The following RSPO1 variants were observed in gnomAD, a reference collection of about 807,000 sequenced individuals.
RSPO1 encodes R-spondin 1, also known as R-spondin-1.
RSPO1 carries 18 observed loss-of-function variants against 26.0 expected under a neutral mutation model. That is an observed-to-expected ratio of 0.69 (90% CI 0.48 to 1.03). The LOEUF (loss-of-function observed/expected upper bound fraction) is 1.03, where lower values mean the gene tolerates loss of function less well. Ranked by LOEUF, RSPO1 falls within the 50% of genes least tolerant of loss-of-function variation. The probability of loss-of-function intolerance (pLI) is 0.00; values close to 1 mark genes in which losing one functional copy is unlikely to be tolerated. For synonymous variants in RSPO1, 133 were observed against 137.4 expected, an observed-to-expected ratio of 0.97 and a Z score of 0.22; for missense variants, 309 against 352.3, an observed-to-expected ratio of 0.88 and a Z score of 0.98.
chr1:37,618,890 A>G (rs1236140244), intron 3 of RSPO1, among the ~76,000 whole-genome samples: 1 of 152,132 alleles, frequency 6.6e-6, no homozygotes, highest in Non-Finnish European at 1.5e-5. Flanking sequence ...TCTTTGTATC[A>G]TGCTAAGGAA....
At chr1:37,633,507 C>T (rs939506776) in intron 1 of RSPO1, among the ~76,000 whole-genome samples, 1 of 152,224 alleles carries the variant, frequency 6.6e-6, no homozygotes, top group African/African-American at 2.4e-5. Context: ...GCCTGCAATA[C>T]CGTCAGAATA....
intron 4 of RSPO1, among the ~76,000 whole-genome samples, chr1:37,615,214 C>T (rs1644092944): frequency 6.6e-6 from 1 of 152,200 alleles, no homozygotes; most frequent in African/African-American, 2.4e-5. Context: ...AAACTCCCAC[C>T]ATCCTCCAGG....
chr1:37,629,719 G>T lies in RSPO1; in HGVS notation c.-58C>A. Reference sequence around the variant, plus strand: ...GGGGTGGTCTCGGGGAGGGTGGATAGCACACGGCTCTTGCTAACACCTCTG... The same window carrying T: ...GGGGTGGTCTCGGGGAGGGTGGATATCACACGGCTCTTGCTAACACCTCTG... On this transcript the variant is annotated 5_prime_UTR_variant, in exon 3 of 7. Coordinates refer to ENST00000356545, the MANE Select transcript of RSPO1 (RefSeq NM_001242908.2). 6.2e-7 allele frequency: 1 copy of T among 1,602,126 alleles called. No homozygotes were observed. The highest frequency in any genetic ancestry group is 8.5e-7 in the Non-Finnish European group (1 of 1,174,404).
In RSPO1 at chr1:37,612,560, AAC is replaced by A. The variant is rs1489864190; in HGVS notation, c.*193_*194del. 3.0e-5 allele frequency: 20 copies of A among 657,152 alleles called. No individual in the cohort carries two copies. Among genetic ancestry groups the A allele is most frequent in the Middle Eastern group, 3.8e-4 (1 of 2,610 alleles). 40.7% of individuals were successfully genotyped at this position (657,152 alleles called of 1,614,324 possible). The stretch of plus-strand genomic sequence containing the variant: ...GTGTCTGTGTCTGCGTGTGTACATG[AAC>A]ACACATGTGCAAGTATGTATGGTTG... On this transcript the variant is annotated 3_prime_UTR_variant, in exon 7 of 7. Transcript: ENST00000356545.
At chr1:37,627,416 G>C (rs543239354) in intron 3 of RSPO1, among the ~76,000 whole-genome samples, 1 of 152,232 alleles carries the variant, frequency 6.6e-6, no homozygotes, top group South Asian at 2.1e-4. Context: ...TATATCTATT[G>C]AGGTGGGTGG....
Position 37,612,634 on chromosome 1 carries a change from G to T in RSPO1, c.*121C>A. 3 of 1,014,764 alleles carry T rather than the reference G, an allele frequency of 3.0e-6. No homozygotes were observed. The highest frequency in any genetic ancestry group is 3.1e-6 in the Non-Finnish European group (2 of 652,588). The allele number at this position is 1,014,764 out of a possible 1,614,324, so 62.9% of individuals were successfully genotyped here. A position where few individuals can be genotyped will look rare whatever the true frequency, so the allele number is the denominator to read the frequency against. ...GCGTGTGTGTCTTGTGTCTATGTATGCATGGATGGATTGGAGTGTGTGTGT... is the reference window on the plus strand; with the variant it reads ...GCGTGTGTGTCTTGTGTCTATGTATTCATGGATGGATTGGAGTGTGTGTGT... On this transcript the variant is annotated 3_prime_UTR_variant, in exon 7 of 7. Coordinates refer to ENST00000356545, the MANE Select transcript of RSPO1 (RefSeq NM_001242908.2).
At chr1:37,628,676 C>T (rs775275257) in intron 3 of RSPO1, among the ~76,000 whole-genome samples, 1 of 152,206 alleles carries the variant, frequency 6.6e-6, no homozygotes, top group Non-Finnish European at 1.5e-5. Context: ...CACTGGAGAC[C>T]TTAAGCAGAG....
At chr1:37,619,053 C>G (rs1225259235) in intron 3 of RSPO1, among the ~76,000 whole-genome samples, 1 of 152,164 alleles carries the variant, frequency 6.6e-6, no homozygotes, top group Non-Finnish European at 1.5e-5. Context: ...AAAACCCCAT[C>G]TGTACTAAAG....
chr1:37,630,327 T>C (rs931826897), intron 2 of RSPO1, among the ~76,000 whole-genome samples: 1 of 47,374 alleles, frequency 2.1e-5, no homozygotes, highest in Non-Finnish European at 5.6e-5. Flanking sequence ...GAAGAGGAGC[T>C]CTCTCTCTCT....
At chr1:37,630,726 C>T (rs1644347983) in intron 2 of RSPO1, among the ~76,000 whole-genome samples, 1 of 152,206 alleles carries the variant, frequency 6.6e-6, no homozygotes, top group Middle Eastern at 3.2e-3. Context: ...TGAGCCCAAC[C>T]TGGGAGTGAG....
At position 37,629,549 on chromosome 1, in the gene RSPO1, A is replaced by G. The variant is rs765989142; in HGVS notation, c.94+19T>C. ...CCATTCCCAAGGCCAGCTGTGGCCC[A>G]CCATGCTCCATTACTCACTCCGCCT... On this transcript the variant is annotated intron_variant, in intron 3 of 6. Transcript: ENST00000356545. 3.1e-6 allele frequency: 5 copies of G among 1,611,846 alleles called. No individual in the cohort carries two copies. Among genetic ancestry groups the G allele is most frequent in the South Asian group, 1.1e-5 (1 of 91,046 alleles).
In RSPO1 at chr1:37,612,886, C is replaced by G. The variant is rs754617519; in HGVS notation, c.661G>C (p.Glu221Gln). 6.2e-7 allele frequency: 1 copy of G among 1,614,110 alleles called. No homozygotes were observed. The highest frequency in any genetic ancestry group is 2.2e-5 in the East Asian group (1 of 44,884). ...KRRKGGQGRRENANRNLARKE... is the reference protein window; with the variant it reads ...KRRKGGQGRRQNANRNLARKE... ...CTGGCCAGGTTCCTGTTGGCATTCT[C>G]CCGCCGGCCCTGGCCTCCCTTCCTC... Residue 221 changes from glutamate (E) to glutamine (Q), a missense_variant, in exon 7 of 7, where the codon GAG (glutamate) becomes CAG (glutamine). Coordinates refer to ENST00000356545, the MANE Select transcript of RSPO1 (RefSeq NM_001242908.2).
chr1:37,623,984 ACT>A (rs1644241638), intron 3 of RSPO1, among the ~76,000 whole-genome samples: 1 of 151,450 alleles, frequency 6.6e-6, no homozygotes, highest in Non-Finnish European at 1.5e-5. Context: ...CTGGTCTTAA[ACT>A]CCTGACCTCG....
chr1:37,620,682 G>A (rs1453116112), intron 3 of RSPO1, among the ~76,000 whole-genome samples: 2 of 150,288 alleles, frequency 1.3e-5, no homozygotes, highest in Admixed American at 6.6e-5. Context: ...TAAAAATCAC[G>A]ATCATTCTTA....
intron 4 of RSPO1, among the ~76,000 whole-genome samples, chr1:37,614,811 A>G (rs772095102): frequency 6.6e-5 from 10 of 152,224 alleles, no homozygotes; most frequent in Non-Finnish European, 1.3e-4. Context: ...GGCATCTGCA[A>G]TGTCCCAAAC....
chr1:37,627,514 G>T (rs181255989), intron 3 of RSPO1, among the ~76,000 whole-genome samples: 52 of 152,138 alleles, frequency 3.4e-4, no homozygotes, highest in African/African-American at 1.2e-3. Context: ...GCCAGGCATG[G>T]TGACACATGC....
At chr1:37,614,395 C>T in intron 4 of RSPO1, 62 bp from the exon 5 acceptor site, 2 of 1,596,584 alleles carry the variant, frequency 1.3e-6, no homozygotes, top group Non-Finnish European at 1.7e-6. Flanking sequence ...CCCCTCATCC[C>T]CAGCCCCAAT....
At position 37,612,524 on chromosome 1, in the gene RSPO1, G is replaced by GTA. The variant is rs1437000842; in HGVS notation, c.*230_*231insTA. 8 of 518,324 alleles carry GTA rather than the reference G, an allele frequency of 1.5e-5. No homozygotes were observed. The highest frequency in any genetic ancestry group is 3.4e-5 in the East Asian group (1 of 29,164). The allele number at this position is 518,324 out of a possible 1,614,324, so 32.1% of individuals were successfully genotyped here. Reference sequence around the variant, plus strand: ...GGTGTGTGTGTGTGTGTGTGTGTATGTGTGTGTGTGGTGTCTGTGTCTGCG... The same window carrying GTA: ...GGTGTGTGTGTGTGTGTGTGTGTATGTATGTGTGTGTGGTGTCTGTGTCTGCG... On this transcript the variant is annotated 3_prime_UTR_variant, in exon 7 of 7. Coordinates refer to ENST00000356545, the MANE Select transcript of RSPO1 (RefSeq NM_001242908.2).
In RSPO1 at chr1:37,613,768, A is replaced by T; in HGVS notation, c.561T>A (p.His187Gln). Residue 187 changes from histidine to glutamine, a missense_variant, in exon 6 of 7, where the codon CAT (histidine) becomes CAA (glutamine). Physicochemically the swap from His to Gln is conservative, Grantham distance 24. Transcript: ENST00000356545. The surrounding 1 kb of genome is among the most constrained non-coding windows in gnomAD (Gnocchi z 4.5). ...TCTCCTTGGTGTCAGAGCAGGCAGC[A>T]TGGTCCCCCACAGGGGCATGTAGCA... is the stretch of plus-strand genomic sequence containing the variant. ...RRVLHAPVGD[H>Q]AACSDTKETR... The T allele has an allele frequency of 6.2e-7, 1 of 1,614,006 alleles. No individual in the cohort carries two copies. Among genetic ancestry groups the T allele is most frequent in the Non-Finnish European group, 8.5e-7 (1 of 1,179,998 alleles).
Sources: gnomAD v4.1 joint callset for allele counts (sites outside exome capture counted in the v4.1 genomes callset) on GRCh38, gnomAD v4.1.1 for gene constraint, Gnocchi (gnomAD v3.1) non-coding constraint, MANE v1.5 for transcripts, NCBI Gene and HGNC (gene_info 2026-07-23, HGNC 2026-07-21) for gene names.